Variants in DPP10 observed in about 807,000 individuals in gnomAD.
The protein encoded by DPP10 is inactive dipeptidyl peptidase 10.
In DPP10, 33 loss-of-function variants were observed where a neutral mutation model predicts 120.9. The ratio of observed to expected loss-of-function variants is 0.27; its 90% CI spans 0.21 to 0.37. The LOEUF (loss-of-function observed/expected upper bound fraction) is 0.37. Among genes scored for constraint, DPP10 ranks in the 10% least tolerant of loss-of-function variants. The pLI is 1.00. For synonymous variants in DPP10, 337 were observed against 326.1 expected, an observed-to-expected ratio of 1.03 and a Z score of -0.36; for missense variants, 816 against 942.8, an observed-to-expected ratio of 0.87 and a Z score of 1.76.
chr2:115,151,615 G>T (rs569891200), intron 1 of DPP10, among the ~76,000 whole-genome samples: 1 of 151,644 alleles, frequency 6.6e-6, no homozygotes, highest in African/African-American at 2.4e-5. Flanking sequence ...CACTATGTTG[G>T]CTAGGCTGGT....
rs577275232 is a variant in DPP10 at position 115,713,818 on chromosome 2, A to G, written c.577-13998A>G. Among the ~76,000 whole-genome samples the G allele has an allele frequency of 2.0e-5, 3 of 152,186 alleles. No individual in the cohort carries two copies. In the South Asian group the frequency reaches 6.2e-4, roughly 32 times the overall value. On this transcript the variant is annotated intron_variant, in intron 7 of 25. Transcript: ENST00000410059. ...TCAGGAATTTCAAGTCTCTTCAGAG[A>G]GACTTTTATGAAAGTTAGTTCATGT...
intron 1 of DPP10, among the ~76,000 whole-genome samples, chr2:114,886,988 T>C (rs1039458442): frequency 9.9e-5 from 15 of 152,210 alleles, no homozygotes; most frequent in Non-Finnish European, 2.2e-4. Flanking sequence ...TAGTGTGAAT[T>C]ATTTGTTATA....
At chr2:114,464,617 C>A (rs976968535) in intron 1 of DPP10, among the ~76,000 whole-genome samples, 3 of 152,110 alleles carry the variant, frequency 2.0e-5, no homozygotes, top group African/African-American at 7.2e-5. Context: ...GTATTTCTAT[C>A]CTCTTTTTGT....
chr2:114,513,654 C>T (rs191141293), intron 1 of DPP10, among the ~76,000 whole-genome samples: 1 of 148,298 alleles, frequency 6.7e-6, no homozygotes, highest in East Asian at 2.0e-4. Flanking sequence ...AAAGAAGAAA[C>T]AGACAAAATA....
At chr2:115,643,040 CA>C (rs1480893933) in intron 5 of DPP10, among the ~76,000 whole-genome samples, 1 of 151,780 alleles carries the variant, frequency 6.6e-6, no homozygotes, top group African/African-American at 2.4e-5. Context: ...ATTATGAAGT[CA>C]TTTAAATTAT....
At chr2:115,424,827 A>G (rs937640678) in intron 3 of DPP10, among the ~76,000 whole-genome samples, 9 of 152,142 alleles carry the variant, frequency 5.9e-5, no homozygotes, top group African/African-American at 1.9e-4. Flanking sequence ...AAGGCATATT[A>G]TTTATTCCTA....
intron 3 of DPP10, among the ~76,000 whole-genome samples, chr2:115,402,860 T>A (rs1311576429): frequency 0.071 from 6,672 of 93,886 alleles, 479 homozygotes; most frequent in Admixed American, 0.16. Context: ...AAAAAATATA[T>A]ATATATATAT....
chr2:114,883,359 T>C (rs1691801849), intron 1 of DPP10, among the ~76,000 whole-genome samples: 1 of 152,212 alleles, frequency 6.6e-6, no homozygotes, highest in Admixed American at 6.5e-5. Flanking sequence ...TGTTGATTAA[T>C]TAAATACAGT....
intron 4 of DPP10, 85 bp downstream of exon 4, chr2:115,499,689 C>A: frequency 1.1e-6 from 1 of 910,906 alleles, no homozygotes; most frequent in Non-Finnish European, 1.6e-6. Context: ...TATTCTTCAG[C>A]TCCAGCATTT....
intron 1 of DPP10, among the ~76,000 whole-genome samples, chr2:114,564,656 C>T (rs1279093810): frequency 1.3e-5 from 2 of 150,230 alleles, no homozygotes; most frequent in African/African-American, 4.9e-5. Flanking sequence ...ACATAGTAGA[C>T]ATAAGGGAAA....
chr2:115,375,493 C>A (rs2065724678), intron 3 of DPP10, among the ~76,000 whole-genome samples: 1 of 152,194 alleles, frequency 6.6e-6, no homozygotes, highest in South Asian at 2.1e-4. Context: ...CTTTCTTCTT[C>A]TGACCCCTCC....
intron 5 of DPP10, among the ~76,000 whole-genome samples, chr2:115,538,318 T>G (rs1473460877): frequency 6.6e-6 from 1 of 152,034 alleles, no homozygotes; most frequent in Non-Finnish European, 1.5e-5. Context: ...CAGAGAACTG[T>G]GATTAATTGA....
intron 5 of DPP10, among the ~76,000 whole-genome samples, chr2:115,626,272 C>T (rs1257115170): frequency 6.6e-6 from 1 of 151,868 alleles, no homozygotes; most frequent in Non-Finnish European, 1.5e-5. Flanking sequence ...ATCAATCAGA[C>T]ATACATGATC....
rs574126028 is a variant in DPP10 at position 115,694,369 on chromosome 2, G to T, written c.576+4448G>T. Among the ~76,000 whole-genome samples, 102 of 152,248 alleles carry T rather than the reference G, an allele frequency of 6.7e-4. 1 individual carries two copies. Among genetic ancestry groups the T allele is most frequent in the Non-Finnish European group, 1.2e-3 (80 of 68,012 alleles). ...GCTTCTAATCTTATTTGCTGTAAAA[G>T]AAATTCCTGGTATTATAGAAGAGAG... On this transcript the variant is annotated intron_variant, in intron 7 of 25. Transcript: ENST00000410059.
chr2:115,776,762 T>G (rs1013872102), intron 13 of DPP10, among the ~76,000 whole-genome samples: 1 of 152,088 alleles, frequency 6.6e-6, no homozygotes, highest in Admixed American at 6.6e-5. Flanking sequence ...TGAAAAAAAA[T>G]TATTGCATTA....
intron 3 of DPP10, among the ~76,000 whole-genome samples, chr2:115,414,105 G>T (rs1329562954): frequency 6.6e-6 from 1 of 151,968 alleles, no homozygotes; most frequent in Non-Finnish European, 1.5e-5. Flanking sequence ...TTTGTCTAGG[G>T]GCTACGTGGA....
At chr2:115,265,556 T>A (rs1488889666) in intron 1 of DPP10, among the ~76,000 whole-genome samples, 1 of 152,068 alleles carries the variant, frequency 6.6e-6, no homozygotes, top group Non-Finnish European at 1.5e-5. Context: ...ATAATAACCT[T>A]ACTACAGGTA....
intron 1 of DPP10, among the ~76,000 whole-genome samples, chr2:114,740,930 A>G (rs1265637164): frequency 6.6e-6 from 1 of 152,212 alleles, no homozygotes; most frequent in African/African-American, 2.4e-5. Context: ...AATAATGATT[A>G]TTGTGAAATC....
At chr2:114,520,751 T>G (rs1182552326) in intron 1 of DPP10, among the ~76,000 whole-genome samples, 1 of 152,186 alleles carries the variant, frequency 6.6e-6, no homozygotes, top group Non-Finnish European at 1.5e-5. Flanking sequence ...CTTATCACAG[T>G]CATTTGAAGA....
Sources: allele counts gnomAD v4.1 joint callset (sites outside exome capture counted in the v4.1 genomes callset), GRCh38; gene constraint gnomAD v4.1.1; transcripts MANE v1.5; gene names NCBI Gene and HGNC (gene_info 2026-07-23, HGNC 2026-07-21).